Variants in FANCC observed in about 807,000 individuals in gnomAD.
The protein encoded by FANCC is Fanconi anemia group C protein.
A neutral mutation model predicts 71.3 loss-of-function variants in FANCC; 55 were observed. The ratio of observed to expected loss-of-function variants is 0.77; its 90% CI spans 0.62 to 0.97. FANCC has a LOEUF of 0.97. Among genes scored for constraint, FANCC ranks in the 50% least tolerant of loss-of-function variants. The pLI, the probability that FANCC is intolerant of heterozygous loss-of-function variation, is 0.00. For synonymous variants in FANCC, 275 were observed against 244.9 expected (o/e 1.12, Z -1.15); for missense variants, 678 against 670.9 (o/e 1.01, Z -0.12).
At chr9:95,214,781 T>C (rs1828748921) in intron 4 of FANCC, among the ~76,000 whole-genome samples, 1 of 152,228 alleles carries the variant, frequency 6.6e-6, no homozygotes, top group South Asian at 2.1e-4. Flanking sequence ...ACTCCGCTTA[T>C]ATGAGGTACT....
At chr9:95,223,805 C>T (rs771960736) in intron 4 of FANCC, among the ~76,000 whole-genome samples, 6 of 152,018 alleles carry the variant, frequency 3.9e-5, no homozygotes, top group African/African-American at 1.2e-4. Context: ...GGAGAAACCC[C>T]GTCTCTACTG....
rs953840897 is a variant in FANCC at position 95,099,058 on chromosome 9, G to A, written c.*2649C>T. ...TAATATTTAATGGATACAACATTAG[G>A]TGCAAACTGAAGTTTTATTTAGAAT... On this transcript the variant is annotated 3_prime_UTR_variant, in exon 15 of 15. Transcript: ENST00000289081. 4 of 185,362 alleles carry A rather than the reference G, an allele frequency of 2.2e-5. No homozygotes were observed. Among genetic ancestry groups the A allele is most frequent in the Non-Finnish European group, 3.4e-5 (3 of 87,518 alleles). 11.5% of individuals were successfully genotyped at this position (185,362 alleles called of 1,614,324 possible).
intron 1 of FANCC, chr9:95,293,001 C>T (rs1290496392): frequency 1.3e-6 from 2 of 1,579,570 alleles, no homozygotes; most frequent in Non-Finnish European, 8.7e-7. Context: ...ACACAGGGAC[C>T]CACCTAGTAA....
intron 1 of FANCC, among the ~76,000 whole-genome samples, chr9:95,312,946 G>C (rs1835497839): frequency 6.6e-6 from 1 of 152,136 alleles, no homozygotes; most frequent in African/African-American, 2.4e-5. Context: ...CCATCCTCTA[G>C]GGCGCCAGGA....
chr9:95,110,685 G>C, intron 13 of FANCC: 1 of 1,054,058 alleles, frequency 9.5e-7, no homozygotes, highest in South Asian at 4.6e-5. Context: ...AAAGCCAAGA[G>C]AAGCAGGGCT....
rs532696778 is a variant in FANCC at position 95,251,460 on chromosome 9, C to T, written c.-78-2091G>A. Among the ~76,000 whole-genome samples, 20 of 152,196 alleles carry T rather than the reference C, an allele frequency of 1.3e-4. No homozygotes were observed. In the East Asian group the frequency reaches 3.3e-3, roughly 25 times the overall value. On this transcript the variant is annotated intron_variant, in intron 1 of 14. Coordinates refer to ENST00000289081, the MANE Select transcript of FANCC (RefSeq NM_000136.3). ...CCTCCCAAATAGCTGGGATTACAGG[C>T]ACACACAACCACGCCCGGCTAATTT...
chr9:95,175,918 C>G (rs1305603172), intron 4 of FANCC, among the ~76,000 whole-genome samples: 1 of 152,194 alleles, frequency 6.6e-6, no homozygotes, highest in African/African-American at 2.4e-5. Flanking sequence ...AGTAGGTGGG[C>G]TCCAAGTCGG....
intron 4 of FANCC, among the ~76,000 whole-genome samples, chr9:95,238,835 G>C (rs1173822698): frequency 6.6e-6 from 1 of 152,076 alleles, no homozygotes; most frequent in Non-Finnish European, 1.5e-5. Flanking sequence ...AAAGTGCTGG[G>C]GCATGAGCCA....
chr9:95,213,047 T>C (rs1339887629), intron 4 of FANCC, among the ~76,000 whole-genome samples: 3 of 152,176 alleles, frequency 2.0e-5, no homozygotes, highest in African/African-American at 7.2e-5. Flanking sequence ...TTTCAAAGAT[T>C]TAGTATGAGA....
intron 1 of FANCC, chr9:95,293,483 T>C (rs1564835210): frequency 6.3e-7 from 1 of 1,578,288 alleles, no homozygotes; most frequent in Non-Finnish European, 8.6e-7. Context: ...AGCCAATAAG[T>C]ACTGGTGTTC....
intron 4 of FANCC, among the ~76,000 whole-genome samples, chr9:95,180,186 A>G: frequency 6.6e-6 from 1 of 151,976 alleles, no homozygotes; most frequent in Non-Finnish European, 1.5e-5. Flanking sequence ...AATTAATATC[A>G]CTGTCTTCTA....
intron 1 of FANCC, among the ~76,000 whole-genome samples, chr9:95,308,543 C>A (rs1395205023): frequency 6.6e-5 from 10 of 152,078 alleles, no homozygotes; most frequent in Non-Finnish European, 1.5e-4. Context: ...GCCTTGGCCT[C>A]CCAAAGTGCT....
In FANCC at chr9:95,099,311, G is replaced by A. The variant is rs892077404; in HGVS notation, c.*2396C>T. On this transcript the variant is annotated 3_prime_UTR_variant, in exon 15 of 15. Transcript: ENST00000289081. ...GTAAGGTCAGATTCCAGACCCTGTC[G>A]CACCTCTGAAGACCTTGGTCCAGTT... The A allele has an allele frequency of 1.2e-4, 26 of 224,878 alleles. No individual in the cohort carries two copies. Among genetic ancestry groups the A allele is most frequent in the Admixed American group, 2.3e-4 (4 of 17,468 alleles). The allele number at this position is 224,878 out of a possible 1,614,324, so 13.9% of individuals were successfully genotyped here. A position where few individuals can be genotyped will look rare whatever the true frequency, so the allele number is the denominator to read the frequency against.
At chr9:95,171,770 ATC>A (rs1825694158) in intron 5 of FANCC, among the ~76,000 whole-genome samples, 1 of 152,224 alleles carries the variant, frequency 6.6e-6, no homozygotes, top group Non-Finnish European at 1.5e-5. Flanking sequence ...TCTCCCAAAC[ATC>A]TCTGAGTGAA....
intron 4 of FANCC, among the ~76,000 whole-genome samples, chr9:95,206,899 G>A (rs1443804899): frequency 1.3e-5 from 2 of 152,070 alleles, no homozygotes; most frequent in African/African-American, 2.4e-5. Flanking sequence ...TTTTCCAGGA[G>A]CATTATCCCA....
intron 4 of FANCC, among the ~76,000 whole-genome samples, chr9:95,217,676 T>C (rs1828958789): frequency 6.6e-6 from 1 of 151,908 alleles, no homozygotes. Flanking sequence ...AAGAAAGGTC[T>C]CTGAGCAAGT....
intron 4 of FANCC, among the ~76,000 whole-genome samples, chr9:95,237,149 C>G (rs1830364851): frequency 6.6e-6 from 1 of 152,160 alleles, no homozygotes; most frequent in Admixed American, 6.5e-5. Context: ...TTTATCGGTT[C>G]ATGTTATTTA....
At position 95,284,222 on chromosome 9, in the gene FANCC, C is replaced by T. The variant is rs1404023709; in HGVS notation, c.-79+33304G>A. 2.0e-5 allele frequency among the ~76,000 whole-genome samples: 3 copies of T among 152,166 alleles called. No homozygotes were observed. In the East Asian group the frequency reaches 5.8e-4, roughly 29 times the overall value. On this transcript the variant is annotated intron_variant, in intron 1 of 14. Transcript: ENST00000289081. ...AACAGAGAGAATAAGCATTAATGTC[C>T]TGAACGGGCTGTGCATCACACAGCC...
chr9:95,175,354 A>G (rs1273460315), intron 4 of FANCC, among the ~76,000 whole-genome samples: 1 of 152,230 alleles, frequency 6.6e-6, no homozygotes, highest in Non-Finnish European at 1.5e-5. Flanking sequence ...TTACAAAAAA[A>G]TGAATCCACT....
Sources: gnomAD v4.1 joint callset for allele counts (sites outside exome capture counted in the v4.1 genomes callset) on GRCh38, gnomAD v4.1.1 for gene constraint, MANE v1.5 for transcripts, NCBI Gene and HGNC (gene_info 2026-07-23, HGNC 2026-07-21) for gene names.